Variants in PLEKHO2 observed in about 807,000 individuals in gnomAD.
PLEKHO2 encodes the protein pleckstrin homology domain-containing family O member 2.
Under a neutral mutation model 32.7 loss-of-function variants are expected in PLEKHO2, and 20 were observed. The ratio of observed to expected loss-of-function variants is 0.61; its 90% CI spans 0.43 to 0.89. The LOEUF is 0.89. PLEKHO2 is among the 40% of genes least tolerant of loss of function. The pLI, the probability that PLEKHO2 is intolerant of heterozygous loss-of-function variation, is 0.00. For synonymous variants in PLEKHO2, 247 were observed against 246.3 expected (o/e 1.00, Z -0.03); for missense variants, 568 against 621.2 (o/e 0.91, Z 0.91).
Position 64,864,883 on chromosome 15 carries a change from C to G in PLEKHO2, c.484-16C>G. ...AGTCAGCCAAGATGACACCCATATA[C>G]CATCCCCCCCACCAGGTGGCCAGTG... On this transcript the variant is annotated splice_polypyrimidine_tract_variant and intron_variant, in intron 5 of 5. Coordinates refer to ENST00000323544, the MANE Select transcript of PLEKHO2 (RefSeq NM_025201.5). 1 of 1,550,378 alleles carries G rather than the reference C, an allele frequency of 6.5e-7. No individual in the cohort carries two copies. The highest frequency in any genetic ancestry group is 8.7e-7 in the Non-Finnish European group (1 of 1,155,390).
chr15:64,861,892 A>G (rs1225578297), intron 5 of PLEKHO2, among the ~76,000 whole-genome samples: 1 of 152,172 alleles, frequency 6.6e-6, no homozygotes, highest in Non-Finnish European at 1.5e-5. Flanking sequence ...CAGCTGAAAA[A>G]TAGGCCTATC....
chr15:64,852,095 G>A (rs1490038788), intron 2 of PLEKHO2, among the ~76,000 whole-genome samples: 1 of 152,128 alleles, frequency 6.6e-6, no homozygotes, highest in Non-Finnish European at 1.5e-5. Context: ...GGCCAAGCAG[G>A]GAGTCAGGAC....
At chr15:64,846,349 G>C (rs997618323) in intron 1 of PLEKHO2, among the ~76,000 whole-genome samples, 1 of 150,724 alleles carries the variant, frequency 6.6e-6, no homozygotes, top group East Asian at 1.9e-4. Flanking sequence ...GCCTCATCCT[G>C]TTAACCATAC....
chr15:64,853,467 A>AT (rs556587591), intron 2 of PLEKHO2, among the ~76,000 whole-genome samples: 177 of 149,538 alleles, frequency 1.2e-3, no homozygotes, highest in Non-Finnish European at 1.9e-3. Flanking sequence ...TTTTTTTTGT[A>AT]TTTTTTTTAG....
intron 5 of PLEKHO2, among the ~76,000 whole-genome samples, chr15:64,863,815 C>T (rs1237269312): frequency 6.6e-6 from 1 of 150,760 alleles, no homozygotes; most frequent in Non-Finnish European, 1.5e-5. Context: ...ATGATCTCGG[C>T]TCACTGCAAC....
At chr15:64,842,919 G>A (rs1346791624) in intron 1 of PLEKHO2, among the ~76,000 whole-genome samples, 3 of 152,256 alleles carry the variant, frequency 2.0e-5, no homozygotes, top group African/African-American at 7.2e-5. Flanking sequence ...TGAGGGGCCT[G>A]TTGGGTCTAG....
rs1206925210 is a variant in PLEKHO2 at position 64,865,721 on chromosome 15, G to T, written c.1306G>T (p.Ala436Ser). ...LLNKVLGSEP[A>S]PVSAETLLSQ... The stretch of plus-strand genomic sequence containing the variant: ...GAACAAGGTGCTGGGCAGTGAGCCG[G>T]CCCCTGTTAGTGCCGAAACATTGCT... Residue 436 changes from alanine (A) to serine (S), a missense_variant, in exon 6 of 6, where the codon GCC (alanine) becomes TCC (serine). Physicochemically the swap from Ala to Ser is moderately conservative, Grantham distance 99. Coordinates refer to ENST00000323544, the MANE Select transcript of PLEKHO2 (RefSeq NM_025201.5). 12 of 1,614,094 alleles carry T rather than the reference G, an allele frequency of 7.4e-6. No individual in the cohort carries two copies. Among genetic ancestry groups the T allele is most frequent in the African/African-American group, 1.3e-5 (1 of 74,944 alleles).
rs1407102996 is a variant in PLEKHO2, at chr15:64,866,843, C to A, written c.*955C>A. On this transcript the variant is annotated 3_prime_UTR_variant, in exon 6 of 6. Transcript: ENST00000323544. ...CTCTGTGGTTCCTTCTCAGCCGAAA[C>A]AGGTCCAGTATCCCAGTCATTTCTT... 1.3e-5 allele frequency: 2 copies of A among 153,322 alleles called. No homozygotes were observed. Among genetic ancestry groups the A allele is most frequent in the African/African-American group, 4.8e-5 (2 of 41,466 alleles). 9.5% of individuals were successfully genotyped at this position (153,322 alleles called of 1,614,324 possible).
chr15:64,859,787 G>A (rs1037843643), intron 3 of PLEKHO2, 107 bp from the exon 4 acceptor site: 12 of 858,198 alleles, frequency 1.4e-5, no homozygotes, highest in Non-Finnish European at 2.3e-5. Context: ...CTTAACTGTG[G>A]GGTCATTTTG....
chr15:64,849,105 G>A (rs1378039229), intron 2 of PLEKHO2, among the ~76,000 whole-genome samples: 1 of 151,766 alleles, frequency 6.6e-6, no homozygotes, highest in Non-Finnish European at 1.5e-5. Context: ...TTAGCCTCCT[G>A]AGTAGCTGGG....
At chr15:64,853,910 C>T (rs2084588754) in intron 2 of PLEKHO2, among the ~76,000 whole-genome samples, 1 of 152,210 alleles carries the variant, frequency 6.6e-6, no homozygotes, top group Non-Finnish European at 1.5e-5. Context: ...CAGAAGTGCT[C>T]ACTAAGTGTC....
intron 5 of PLEKHO2, among the ~76,000 whole-genome samples, chr15:64,863,465 G>A (rs941088117): frequency 1.3e-5 from 2 of 152,026 alleles, no homozygotes; most frequent in South Asian, 4.1e-4. Context: ...GCCAGCCTTG[G>A]AGGGAGGGGC....
chr15:64,850,737 G>T (rs2084561396), intron 2 of PLEKHO2, among the ~76,000 whole-genome samples: 1 of 152,196 alleles, frequency 6.6e-6, no homozygotes, highest in Non-Finnish European at 1.5e-5. Context: ...CTTGGGATTT[G>T]GACAACCAAG....
rs2084640474 is a variant in PLEKHO2 at position 64,861,459 on chromosome 15, G to T, written c.385-18G>T. The T allele has an allele frequency of 1.3e-6, 2 of 1,567,324 alleles. No homozygotes were observed. The highest frequency in any genetic ancestry group is 1.3e-5 in the African/African-American group (1 of 74,294). Reference sequence around the variant, plus strand: ...CCCAAGGCTTGGCAGGGGCTGATCTGGTTCCCCCTCCCTCCAGGTAAAGGT... The same window carrying T: ...CCCAAGGCTTGGCAGGGGCTGATCTTGTTCCCCCTCCCTCCAGGTAAAGGT... On this transcript the variant is annotated intron_variant, in intron 4 of 5. Transcript: ENST00000323544.
chr15:64,845,855 C>T lies in PLEKHO2; in HGVS notation c.13-2738C>T, dbSNP rs56386430. 9.7e-3 allele frequency among the ~76,000 whole-genome samples: 1,475 copies of T among 152,200 alleles called. 27 individuals are homozygous for T. The highest frequency in any genetic ancestry group is 0.034 in the African/African-American group (1,400 of 41,502). On this transcript the variant is annotated intron_variant, in intron 1 of 5. Coordinates refer to ENST00000323544, the MANE Select transcript of PLEKHO2 (RefSeq NM_025201.5). ...GAGAGTTTAGAAAGGGGTGTGAGAT[C>T]CCTTGGGGTGGTGGGTGGGTCCCCT...
intron 1 of PLEKHO2, among the ~76,000 whole-genome samples, chr15:64,845,737 C>T (rs2084517169): frequency 6.6e-6 from 1 of 152,222 alleles, no homozygotes; most frequent in African/African-American, 2.4e-5. Flanking sequence ...GCTACATCAG[C>T]CCAGAAGTGA....
intron 2 of PLEKHO2, among the ~76,000 whole-genome samples, chr15:64,852,004 G>C (rs2084573033): frequency 6.6e-6 from 1 of 152,122 alleles, no homozygotes; most frequent in Non-Finnish European, 1.5e-5. Flanking sequence ...TGTTCTGCTT[G>C]AGGGCTGCTG....
intron 1 of PLEKHO2, among the ~76,000 whole-genome samples, chr15:64,845,215 T>TTC (rs35009156): frequency 4.8e-5 from 1 of 20,638 alleles, no homozygotes; most frequent in Non-Finnish European, 1.7e-4. Flanking sequence ...ACCTGGCTTC[T>TTC]TTTTTTTTTT....
chr15:64,842,388 C>CTG (rs1243359056), intron 1 of PLEKHO2, among the ~76,000 whole-genome samples: 34 of 141,958 alleles, frequency 2.4e-4, no homozygotes, highest in African/African-American at 7.7e-4. Flanking sequence ...CTCTCTCTCT[C>CTG]TCTGTGTGTG....
Sources: allele counts gnomAD v4.1 joint callset (sites outside exome capture counted in the v4.1 genomes callset), GRCh38; gene constraint gnomAD v4.1.1; transcripts MANE v1.5; gene names NCBI Gene and HGNC (gene_info 2026-07-23, HGNC 2026-07-21).